Variants in PLEKHM3 observed in about 807,000 individuals in gnomAD.
The protein encoded by PLEKHM3 is pleckstrin homology domain-containing family M member 3.
In PLEKHM3, 45 loss-of-function variants were observed where a neutral mutation model predicts 81.8. That is an observed-to-expected ratio of 0.55 (90% CI 0.43 to 0.71). PLEKHM3 has a LOEUF of 0.71. PLEKHM3 is among the 30% of genes least tolerant of loss of function. The pLI is 0.00. For missense variants in PLEKHM3, 788 were observed against 924.3 expected, an observed-to-expected ratio of 0.85 and a Z score of 1.91; for synonymous variants, 352 against 356.4, an observed-to-expected ratio of 0.99 and a Z score of 0.14.
At chr2:207,829,529 G>A (rs1272738930) in intron 7 of PLEKHM3, among the ~76,000 whole-genome samples, 2 of 152,074 alleles carry the variant, frequency 1.3e-5, no homozygotes, top group Non-Finnish European at 2.9e-5. Flanking sequence ...CACCCGCCTC[G>A]GCTTCCCAAA....
chr2:207,841,556 T>C (rs1349198000), intron 7 of PLEKHM3, among the ~76,000 whole-genome samples: 1 of 146,686 alleles, frequency 6.8e-6, no homozygotes, highest in African/African-American at 2.5e-5. Context: ...GTGGGCTTTA[T>C]TTATTTTACA....
rs2092250835 is a variant in PLEKHM3, at chr2:207,826,238, T to C, written c.*2081A>G. 1 of 152,186 alleles carries C rather than the reference T, an allele frequency of 6.6e-6. No homozygotes were observed. The highest frequency in any genetic ancestry group is 1.5e-5 in the Non-Finnish European group (1 of 68,022). The allele number at this position is 152,186 out of a possible 1,614,324, so 9.4% of individuals were successfully genotyped here. A position where few individuals can be genotyped will look rare whatever the true frequency, so the allele number is the denominator to read the frequency against. Reference sequence around the variant, plus strand: ...TATAATAAGCAGGTCTATAATTCTCTTGTGAAAGATCATGTTCTGCTATCT... The same window carrying C: ...TATAATAAGCAGGTCTATAATTCTCCTGTGAAAGATCATGTTCTGCTATCT... On this transcript the variant is annotated 3_prime_UTR_variant, in exon 8 of 8. Coordinates refer to ENST00000427836, the MANE Select transcript of PLEKHM3 (RefSeq NM_001080475.3).
rs866548376 is a variant in PLEKHM3, at chr2:208,006,541, A to G, written c.-318-4584T>C. On this transcript the variant is annotated intron_variant, in intron 1 of 7. Transcript: ENST00000427836. ...ACCTGTATCCCATAGAGTTGCTAACATCGAATTGCTTTGCGTGTGGATCAT... is the reference window on the plus strand; with the variant it reads ...ACCTGTATCCCATAGAGTTGCTAACGTCGAATTGCTTTGCGTGTGGATCAT... 2.6e-5 allele frequency among the ~76,000 whole-genome samples: 4 copies of G among 152,202 alleles called. No homozygotes were observed. The South Asian group carries it at 6.2e-4, about 24-fold the overall frequency.
intron 1 of PLEKHM3, among the ~76,000 whole-genome samples, chr2:208,008,031 C>A (rs939551122): frequency 6.6e-6 from 1 of 151,476 alleles, no homozygotes; most frequent in Non-Finnish European, 1.5e-5. Flanking sequence ...CCAGCCTGGG[C>A]GACAGAGTGA....
At chr2:208,022,603 C>T (rs1693164235) in intron 1 of PLEKHM3, among the ~76,000 whole-genome samples, 1 of 152,190 alleles carries the variant, frequency 6.6e-6, no homozygotes, top group Non-Finnish European at 1.5e-5. Flanking sequence ...GCCTCCAGCA[C>T]TCCTCAAGGC....
chr2:207,889,890 G>C (rs532297029), intron 6 of PLEKHM3, among the ~76,000 whole-genome samples: 378 of 152,146 alleles, frequency 2.5e-3, no homozygotes, highest in Non-Finnish European at 4.2e-3. Flanking sequence ...CGCAACCTCT[G>C]TCTCCCGGGT....
intron 2 of PLEKHM3, among the ~76,000 whole-genome samples, chr2:207,982,216 C>T (rs1691551846): frequency 8.1e-6 from 1 of 123,204 alleles, no homozygotes; most frequent in African/African-American, 4.0e-5. Context: ...TTCGTTCCTC[C>T]CTCCCTCCCT....
chr2:207,938,539 T>C (rs981445768), intron 4 of PLEKHM3, among the ~76,000 whole-genome samples: 1 of 152,224 alleles, frequency 6.6e-6, no homozygotes, highest in Admixed American at 6.5e-5. Flanking sequence ...CTGATAGGTC[T>C]GAATTGATCC....
intron 7 of PLEKHM3, among the ~76,000 whole-genome samples, chr2:207,855,228 C>T (rs1011517556): frequency 2.0e-5 from 3 of 152,002 alleles, no homozygotes; most frequent in Non-Finnish European, 4.4e-5. Context: ...CCAAACCAAA[C>T]CAAAAACAAC....
chr2:207,989,066 T>A lies in PLEKHM3; in HGVS notation c.611-11480A>T, dbSNP rs529576181. On this transcript the variant is annotated intron_variant, in intron 2 of 7. Transcript: ENST00000427836. ...TTCTCCATCACACCTCTTGCTTTATTTCCTTCAAAGAACTCTCTCCTCCTG... is the reference window on the plus strand; with the variant it reads ...TTCTCCATCACACCTCTTGCTTTATATCCTTCAAAGAACTCTCTCCTCCTG... Among the ~76,000 whole-genome samples, 8 of 152,310 alleles carry A rather than the reference T, an allele frequency of 5.3e-5. No individual in the cohort carries two copies. In the South Asian group the frequency reaches 1.7e-3, roughly 32 times the overall value.
At chr2:207,867,568 TGAA>T (rs2105823241) in intron 6 of PLEKHM3, among the ~76,000 whole-genome samples, 1 of 152,258 alleles carries the variant, frequency 6.6e-6, no homozygotes, top group South Asian at 2.1e-4. Flanking sequence ...TTCATCACTA[TGAA>T]GAAGTGGGCT....
intron 2 of PLEKHM3, among the ~76,000 whole-genome samples, chr2:207,979,060 C>T (rs887890023): frequency 6.6e-6 from 1 of 152,112 alleles, no homozygotes; most frequent in Admixed American, 6.5e-5. Context: ...AAATAAGGTA[C>T]CTAGCACAAT....
intron 2 of PLEKHM3, among the ~76,000 whole-genome samples, chr2:207,982,871 C>T (rs1388489743): frequency 6.6e-6 from 1 of 152,070 alleles, no homozygotes; most frequent in Non-Finnish European, 1.5e-5. Context: ...AGCCACCGCG[C>T]CCGGCCTGAT....
chr2:207,918,269 T>A (rs2105916397), intron 5 of PLEKHM3, among the ~76,000 whole-genome samples: 2 of 152,322 alleles, frequency 1.3e-5, no homozygotes, highest in East Asian at 3.9e-4. Context: ...ACACCTGTAA[T>A]CCCAGCACTT....
At chr2:207,957,624 G>A (rs1283478497) in intron 3 of PLEKHM3, among the ~76,000 whole-genome samples, 1 of 152,198 alleles carries the variant, frequency 6.6e-6, no homozygotes, top group Admixed American at 6.5e-5. Context: ...CTTGAACCCA[G>A]GAGACGGAGG....
At chr2:207,972,586 CA>C (rs35602924) in intron 3 of PLEKHM3, among the ~76,000 whole-genome samples, 1,660 of 59,632 alleles carry the variant, frequency 0.028, 20 homozygotes, top group African/African-American at 0.069. Flanking sequence ...GACTCCGTCT[CA>C]AAAAAAAAAA....
intron 7 of PLEKHM3, among the ~76,000 whole-genome samples, chr2:207,835,673 A>G (rs1413945606): frequency 1.3e-5 from 2 of 152,202 alleles, no homozygotes; most frequent in Non-Finnish European, 2.9e-5. Flanking sequence ...GCATTGATTA[A>G]TCAAGCTATG....
In PLEKHM3 at chr2:207,931,173, C is replaced by T. The variant is rs1217588988; in HGVS notation, c.1693-54G>A. 1.2e-5 allele frequency: 17 copies of T among 1,475,590 alleles called. No individual in the cohort carries two copies. The Middle Eastern group carries it at 5.4e-4, about 47-fold the overall frequency. 91.4% of individuals were successfully genotyped at this position (1,475,590 alleles called of 1,614,324 possible). On this transcript the variant is annotated intron_variant, in intron 4 of 7. Transcript: ENST00000427836. ...TGGAGAAGCACCTGGCTCTCCACACCTGCTCAAACTAGGAACCATAGCTGA... is the reference window on the plus strand; with the variant it reads ...TGGAGAAGCACCTGGCTCTCCACACTTGCTCAAACTAGGAACCATAGCTGA...
At chr2:207,914,307 C>A (rs886472304) in intron 5 of PLEKHM3, among the ~76,000 whole-genome samples, 10 of 151,968 alleles carry the variant, frequency 6.6e-5, no homozygotes, top group Non-Finnish European at 1.5e-4. Flanking sequence ...ACCAGCCTGA[C>A]CAACATGAAG....
Sources: gnomAD v4.1 joint callset for allele counts (sites outside exome capture counted in the v4.1 genomes callset) on GRCh38, gnomAD v4.1.1 for gene constraint, MANE v1.5 for transcripts, NCBI Gene and HGNC (gene_info 2026-07-23, HGNC 2026-07-21) for gene names.